LOC128462377: variants seen among roughly 807,000 people sequenced by gnomAD.
the LOC128462377 span, among the ~76,000 whole-genome samples, chr16:89,344,238 G>A: frequency 6.6e-6 from 1 of 152,152 alleles, no homozygotes; most frequent in African/African-American, 2.4e-5. Context: ...AATTACATCT[G>A]CACGGTGCTT....
At chr16:89,371,195 A>T in the LOC128462377 span, among the ~76,000 whole-genome samples, 2 of 152,164 alleles carry the variant, frequency 1.3e-5, no homozygotes, top group Non-Finnish European at 2.9e-5. Flanking sequence ...AAAAAGATGC[A>T]ACGACTCTCA....
the LOC128462377 span, among the ~76,000 whole-genome samples, chr16:89,400,032 C>T: frequency 0.84 from 68,924 of 82,006 alleles, 29,108 homozygotes; most frequent in Middle Eastern, 0.94. Context: ...CGCTGGAGGC[C>T]GGTCATCTGC....
chr16:89,412,020 C>A, the LOC128462377 span, among the ~76,000 whole-genome samples: 33 of 102,830 alleles, frequency 3.2e-4, no homozygotes, highest in East Asian at 9.7e-3. Context: ...GTGCCCCATC[C>A]CTCCCCTCAG....
At chr16:89,379,709 C>A in the LOC128462377 span, among the ~76,000 whole-genome samples, 704 of 152,326 alleles carry the variant, frequency 4.6e-3, 8 homozygotes, top group South Asian at 0.034. Flanking sequence ...GAGCTCCGTG[C>A]AGTGCACGGA....
chr16:89,377,268 G>GGA, the LOC128462377 span, among the ~76,000 whole-genome samples: 90 of 150,566 alleles, frequency 6.0e-4, no homozygotes, highest in South Asian at 1.5e-3. Flanking sequence ...TGTCAACATG[G>GGA]GAGAGAGAGA....
chr16:89,401,379 A>C, the LOC128462377 span, among the ~76,000 whole-genome samples: 1 of 152,102 alleles, frequency 6.6e-6, no homozygotes, highest in African/African-American at 2.4e-5. Flanking sequence ...TCTGGCATTA[A>C]ATTTCTCTCT....
the LOC128462377 span, chr16:89,317,122 T>G: frequency 5.6e-6 from 7 of 1,249,132 alleles, no homozygotes; most frequent in African/African-American, 8.9e-5. Flanking sequence ...CAGAGGCAGC[T>G]CAAAACTCAT....
the LOC128462377 span, among the ~76,000 whole-genome samples, chr16:89,329,995 A>AAAAAT: frequency 0.46 from 67,926 of 146,082 alleles, 16,290 homozygotes; most frequent in East Asian, 0.57. Flanking sequence ...ACCTTGTCTC[A>AAAAAT]AAAATAAAAT....
the LOC128462377 span, among the ~76,000 whole-genome samples, chr16:89,345,904 C>T: frequency 1.3e-5 from 2 of 152,098 alleles, no homozygotes; most frequent in South Asian, 2.1e-4. Context: ...AGAGCTAAGA[C>T]GGTCCGACAT....
chr16:89,365,981 T>C, the LOC128462377 span, among the ~76,000 whole-genome samples: 4 of 152,044 alleles, frequency 2.6e-5, no homozygotes, highest in Non-Finnish European at 5.9e-5. Context: ...TGTCCCTGCA[T>C]TGGTTTGTTA....
chr16:89,347,515 G>C, the LOC128462377 span, among the ~76,000 whole-genome samples: 2 of 151,700 alleles, frequency 1.3e-5, no homozygotes, highest in Non-Finnish European at 2.9e-5. Context: ...GGAGGCTGAG[G>C]CAGGAGAATG....
At chr16:89,344,747 G>A in the LOC128462377 span, among the ~76,000 whole-genome samples, 332 of 147,866 alleles carry the variant, frequency 2.2e-3, 1 homozygote, top group Admixed American at 1.2e-3. Flanking sequence ...GAGCACAGCG[G>A]AGGGCACGGG....
At chr16:89,367,616 G>A in the LOC128462377 span, among the ~76,000 whole-genome samples, 2 of 152,136 alleles carry the variant, frequency 1.3e-5, no homozygotes, top group South Asian at 4.1e-4. Flanking sequence ...TTGCTTGGGG[G>A]CCTCTATAAA....
the LOC128462377 span, among the ~76,000 whole-genome samples, chr16:89,335,692 C>G: frequency 2.0e-5 from 3 of 152,212 alleles, no homozygotes; most frequent in Non-Finnish European, 4.4e-5. Context: ...CAGGACACAG[C>G]ACATGAGCGC....
the LOC128462377 span, among the ~76,000 whole-genome samples, chr16:89,417,854 T>C: frequency 6.9e-6 from 1 of 145,174 alleles, no homozygotes; most frequent in African/African-American, 2.6e-5. Context: ...ACCACCAGGA[T>C]CCTAACGAGC....
the LOC128462377 span, among the ~76,000 whole-genome samples, chr16:89,362,575 C>T: frequency 6.6e-6 from 1 of 152,350 alleles, no homozygotes; most frequent in East Asian, 1.9e-4. Flanking sequence ...TCTTCAAAGA[C>T]TTTCCTCCCC....
the LOC128462377 span, chr16:89,395,913 C>T: frequency 2.6e-5 from 4 of 152,204 alleles, no homozygotes; most frequent in Non-Finnish European, 5.9e-5. Context: ...TTGTGCATAT[C>T]CTTCATGACA....
At chr16:89,335,148 G>A in the LOC128462377 span, among the ~76,000 whole-genome samples, 3 of 152,192 alleles carry the variant, frequency 2.0e-5, no homozygotes, top group South Asian at 4.1e-4. Flanking sequence ...CCCATGTCCG[G>A]CCTGTGGGGG....
At chr16:89,379,644 T>C in the LOC128462377 span, among the ~76,000 whole-genome samples, 1 of 152,146 alleles carries the variant, frequency 6.6e-6, no homozygotes, top group African/African-American at 2.4e-5. Flanking sequence ...CCACCACTGC[T>C]CTCTGCCTCC....
Sources: gnomAD v4.1 joint callset for allele counts (sites outside exome capture counted in the v4.1 genomes callset) on GRCh38, gnomAD v4.1.1 for gene constraint, MANE v1.5 for transcripts.